The following CD200R1 variants were observed in gnomAD, a reference collection of about 807,000 sequenced individuals.
CD200R1 encodes the protein cell surface glycoprotein CD200 receptor 1.
A neutral mutation model predicts 38.1 loss-of-function variants in CD200R1; 30 were observed. The ratio of observed to expected loss-of-function variants is 0.79; its 90% CI spans 0.59 to 1.07. CD200R1 has a LOEUF of 1.07. Ranked by LOEUF, CD200R1 falls within the 50% of genes least tolerant of loss-of-function variation. The pLI is 0.00. For synonymous variants in CD200R1, 128 were observed against 152.1 expected (o/e 0.84, Z 1.16); for missense variants, 372 against 415.4 (o/e 0.90, Z 0.91).
intron 1 of CD200R1, among the ~76,000 whole-genome samples, chr3:112,970,336 T>C (rs1484026086): frequency 1.3e-5 from 2 of 152,208 alleles, no homozygotes; most frequent in Non-Finnish European, 2.9e-5. Flanking sequence ...GCATGAACAA[T>C]ATCATTTCTT....
intron 1 of CD200R1, among the ~76,000 whole-genome samples, chr3:112,964,566 C>T (rs1192176187): frequency 1.3e-5 from 2 of 152,214 alleles, no homozygotes; most frequent in Non-Finnish European, 2.9e-5. Context: ...CAATTTCTCC[C>T]ATTTGGAATG....
At chr3:112,945,911 C>T (rs1203041681) in intron 2 of CD200R1, among the ~76,000 whole-genome samples, 4 of 151,802 alleles carry the variant, frequency 2.6e-5, no homozygotes, top group Non-Finnish European at 5.9e-5. Context: ...GCCTGTAGTC[C>T]CAGCTACTCT....
chr3:112,958,666 C>T (rs949436572), intron 1 of CD200R1, among the ~76,000 whole-genome samples: 1 of 152,074 alleles, frequency 6.6e-6, no homozygotes, highest in African/African-American at 2.4e-5. Context: ...TAACTAAAAA[C>T]AGCATCAGAA....
intron 1 of CD200R1, among the ~76,000 whole-genome samples, chr3:112,974,169 C>T (rs1476638488): frequency 1.3e-5 from 2 of 152,116 alleles, no homozygotes; most frequent in African/African-American, 4.8e-5. Flanking sequence ...GGTGCAGTGG[C>T]TCATGCCTGT....
chr3:112,945,119 ATGAATATTACCAAAGTC>A (rs936753213), intron 2 of CD200R1, among the ~76,000 whole-genome samples: 5 of 152,214 alleles, frequency 3.3e-5, no homozygotes, highest in African/African-American at 1.2e-4. Context: ...GATAGGGTGA[ATGAATATTACCAAAGTC>A]CCAGTTTTTC....
chr3:112,938,873 A>T (rs1940649918), intron 2 of CD200R1, among the ~76,000 whole-genome samples: 1 of 152,040 alleles, frequency 6.6e-6, no homozygotes, highest in Admixed American at 6.6e-5. Context: ...CATATATATA[A>T]AATACTAGCA....
In CD200R1 at chr3:112,921,240, T is replaced by C. The variant is rs1240385046; in HGVS notation, c.*2437A>G. On this transcript the variant is annotated 3_prime_UTR_variant, in exon 8 of 8. Transcript: ENST00000308611. ...TGATGGACAAGTTTATTATCTTGAT[T>C]ATGCTGATGGTTTCACAGATGTAAA... 6.6e-6 allele frequency: 1 copy of C among 152,054 alleles called. No individual in the cohort carries two copies. The highest frequency in any genetic ancestry group is 1.9e-4 in the East Asian group (1 of 5,174). 9.4% of individuals were successfully genotyped at this position (152,054 alleles called of 1,614,324 possible). A position where few individuals can be genotyped will look rare whatever the true frequency, so the allele number is the denominator to read the frequency against.
In CD200R1 at chr3:112,927,584, A is replaced by T. The variant is rs114067891; in HGVS notation, c.769+1232T>A. On this transcript the variant is annotated intron_variant, in intron 5 of 7. Transcript: ENST00000308611. ...GAAAGAGTTAAAAACAAACAAATGTATAGAAGACAGAAGAAACTCAGATTA... is the reference window on the plus strand; with the variant it reads ...GAAAGAGTTAAAAACAAACAAATGTTTAGAAGACAGAAGAAACTCAGATTA... 3.7e-3 allele frequency among the ~76,000 whole-genome samples: 559 copies of T among 152,312 alleles called. 6 individuals carry two copies. Among genetic ancestry groups the T allele is most frequent in the African/African-American group, 0.013 (540 of 41,574 alleles).
chr3:112,939,424 A>G (rs561626125), intron 2 of CD200R1, among the ~76,000 whole-genome samples: 1 of 152,016 alleles, frequency 6.6e-6, no homozygotes, highest in Non-Finnish European at 1.5e-5. Context: ...AACAAATTCA[A>G]TAAAGTTGCA....
chr3:112,949,275 C>A (rs547427102), intron 1 of CD200R1, among the ~76,000 whole-genome samples: 1 of 152,200 alleles, frequency 6.6e-6, no homozygotes, highest in African/African-American at 2.4e-5. Context: ...AAGATACACT[C>A]GTAGCTTATC....
chr3:112,937,624 T>A (rs962957677), intron 2 of CD200R1, among the ~76,000 whole-genome samples: 3 of 152,230 alleles, frequency 2.0e-5, no homozygotes, highest in Non-Finnish European at 4.4e-5. Flanking sequence ...TCAGGTAGCA[T>A]GATGCTTCCA....
At chr3:112,942,669 G>A (rs9834840) in intron 2 of CD200R1, among the ~76,000 whole-genome samples, 92,256 of 151,190 alleles carry the variant, frequency 0.61, 28,613 homozygotes, top group African/African-American at 0.72. Flanking sequence ...AATAAAAGAC[G>A]GAGATTGTCA....
At chr3:112,967,156 G>C (rs1316584080) in intron 1 of CD200R1, among the ~76,000 whole-genome samples, 1 of 151,310 alleles carries the variant, frequency 6.6e-6, no homozygotes, top group Non-Finnish European at 1.5e-5. Context: ...TTTCTCCTTG[G>C]GCATCGTAAT....
chr3:112,926,089 T>C (rs533539266), intron 5 of CD200R1, among the ~76,000 whole-genome samples: 18 of 152,250 alleles, frequency 1.2e-4, no homozygotes, highest in African/African-American at 3.1e-4. Context: ...GTAACCCTAA[T>C]TCTGAAGTCA....
At chr3:112,948,890 T>A (rs1209685095) in intron 1 of CD200R1, among the ~76,000 whole-genome samples, 1 of 152,190 alleles carries the variant, frequency 6.6e-6, no homozygotes, top group East Asian at 1.9e-4. Flanking sequence ...AGGCAGTAGC[T>A]AGGGAAACAA....
chr3:112,948,573 A>G (rs1038102769), intron 1 of CD200R1, among the ~76,000 whole-genome samples: 1 of 152,166 alleles, frequency 6.6e-6, no homozygotes, highest in Non-Finnish European at 1.5e-5. Flanking sequence ...GTGAGCATCT[A>G]ATGCCTCCAA....
intron 2 of CD200R1, among the ~76,000 whole-genome samples, chr3:112,941,523 A>G (rs1347455723): frequency 1.3e-5 from 2 of 151,612 alleles, no homozygotes; most frequent in Admixed American, 6.6e-5. Context: ...CTAATTCCAT[A>G]ATTTCTGAGA....
intron 1 of CD200R1, among the ~76,000 whole-genome samples, chr3:112,951,020 A>G (rs1601843): frequency 0.029 from 4,353 of 152,246 alleles, 194 homozygotes; most frequent in East Asian, 0.21. Flanking sequence ...AATAATAAAT[A>G]TAAGAGCAGA....
chr3:112,944,833 G>A (rs1576139177), intron 2 of CD200R1, among the ~76,000 whole-genome samples: 1 of 151,996 alleles, frequency 6.6e-6, no homozygotes, highest in South Asian at 2.1e-4. Flanking sequence ...TCAATTTTTT[G>A]TATTGTATTG....
Sources: allele counts gnomAD v4.1 joint callset (sites outside exome capture counted in the v4.1 genomes callset), GRCh38; gene constraint gnomAD v4.1.1; transcripts MANE v1.5; gene names NCBI Gene and HGNC (gene_info 2026-07-23, HGNC 2026-07-21).